The following NIPSNAP3B variants were observed in gnomAD, a reference collection of about 807,000 sequenced individuals.
The protein encoded by NIPSNAP3B is protein NipSnap homolog 3B.
NIPSNAP3B carries 30 observed loss-of-function variants against 31.5 expected under a neutral mutation model. The observed-to-expected ratio is 0.95, with a 90% CI of 0.71 to 1.29. The LOEUF is 1.29. Ranked by LOEUF, NIPSNAP3B falls within the 50% of genes most tolerant of loss-of-function variation. The pLI, the probability that NIPSNAP3B is intolerant of heterozygous loss-of-function variation, is 0.00. For missense variants in NIPSNAP3B, 269 were observed against 300.7 expected, an observed-to-expected ratio of 0.89 and a Z score of 0.78; for synonymous variants, 106 against 107.9, an observed-to-expected ratio of 0.98 and a Z score of 0.11.
At chr9:104,784,591 C>T in the NIPSNAP3B span, 5 of 1,065,232 alleles carry the variant, frequency 4.7e-6, no homozygotes, top group African/African-American at 6.4e-5. Flanking sequence ...AACTAGAAAA[C>T]TGTGTGTGAA....
In NIPSNAP3B at chr9:104,764,139, T is replaced by A; in HGVS notation, c.-102T>A. On this transcript the variant is annotated 5_prime_UTR_variant, in exon 1 of 6. Coordinates refer to ENST00000374762, the MANE Select transcript of NIPSNAP3B (RefSeq NM_018376.4). ...CCGCCGAGTCCCGCCCCTGCCTGAG[T>A]TCGCCAGTGGTCCAGGAGCCGCTTT... 1 of 1,121,634 alleles carries A rather than the reference T, an allele frequency of 8.9e-7. No individual in the cohort carries two copies. Among genetic ancestry groups the A allele is most frequent in the Non-Finnish European group, 1.3e-6 (1 of 776,500 alleles). The allele number at this position is 1,121,634 out of a possible 1,614,324, so 69.5% of individuals were successfully genotyped here. A position where few individuals can be genotyped will look rare whatever the true frequency, so the allele number is the denominator to read the frequency against.
At chr9:104,781,169 T>C (rs1828525530), downstream of NIPSNAP3B, 1 of 152,636 alleles carries the variant, frequency 6.6e-6, no homozygotes, top group Non-Finnish European at 1.5e-5. Context: ...GTGAAACTTT[T>C]GTCTAGTTTT....
In NIPSNAP3B at chr9:104,776,412, A is replaced by C. The variant is rs555387217; in HGVS notation, c.*3339A>C. On this transcript the variant is annotated 3_prime_UTR_variant, in exon 6 of 6. Coordinates refer to ENST00000374762, the MANE Select transcript of NIPSNAP3B (RefSeq NM_018376.4). ...ATGTTTTTGTCCCCCCAAAATTCCT[A>C]TGTTGAAGCCTTAATCTCAACATAG... 6.6e-6 allele frequency among the ~76,000 whole-genome samples: 1 copy of C among 151,854 alleles called. No individual in the cohort carries two copies. Among genetic ancestry groups the C allele is most frequent in the South Asian group, 2.1e-4 (1 of 4,820 alleles).
Position 104,766,368 on chromosome 9 carries a change from C to G in NIPSNAP3B, c.104C>G (p.Thr35Arg). The G allele has an allele frequency of 6.2e-7, 1 of 1,613,672 alleles. No homozygotes were observed. Among genetic ancestry groups the G allele is most frequent in the Non-Finnish European group, 8.5e-7 (1 of 1,179,670 alleles). ...FATGPRQYDG[T>R]FYEFRTYYLK... ...ACGGGCCCTAGACAATACGATGGAA[C>G]GTTCTATGAATTTCGTACTTATTAC... The change falls in exon 2 of 6, where the codon ACG becomes AGG. Residue 35 changes from threonine to arginine, a missense_variant. Coordinates refer to ENST00000374762, the MANE Select transcript of NIPSNAP3B (RefSeq NM_018376.4).
downstream of NIPSNAP3B, among the ~76,000 whole-genome samples, chr9:104,779,179 CTCCATTGTTA>C (rs926851198): frequency 1.7e-4 from 26 of 152,284 alleles, 1 homozygote; most frequent in South Asian, 1.7e-3. Context: ...TCTGACTTCT[CTCCATTGTTA>C]TCCAATTACC....
downstream of NIPSNAP3B, among the ~76,000 whole-genome samples, chr9:104,778,537 C>G (rs1449094005): frequency 6.6e-6 from 1 of 152,136 alleles, no homozygotes; most frequent in African/African-American, 2.4e-5. Flanking sequence ...AACTTGCACA[C>G]ATTTATCTTA....
the NIPSNAP3B span, chr9:104,785,298 A>G: frequency 6.7e-7 from 1 of 1,497,812 alleles, no homozygotes; most frequent in Non-Finnish European, 9.2e-7. Flanking sequence ...TTCAAGCACC[A>G]ATTCAAGATA....
chr9:104,788,364 CA>C, the NIPSNAP3B span: 7,041 of 1,611,846 alleles, frequency 4.4e-3, 158 homozygotes, highest in African/African-American at 0.059. Context: ...GTGGAAAAGC[CA>C]TAAGGTATAT....
chr9:104,771,163 T>C, intron 4 of NIPSNAP3B, 165 bp downstream of exon 4: 1 of 582,540 alleles, frequency 1.7e-6, no homozygotes, highest in African/African-American at 1.9e-5. Context: ...CTTATTTTTT[T>C]AGAATGTTAA....
the NIPSNAP3B span, among the ~76,000 whole-genome samples, chr9:104,789,810 G>A: frequency 1.3e-5 from 2 of 152,154 alleles, no homozygotes; most frequent in East Asian, 3.8e-4. Context: ...TAAGTCCAGA[G>A]AAGCCGGGCG....
intron 4 of NIPSNAP3B, among the ~76,000 whole-genome samples, chr9:104,772,407 AT>A (rs1211792867): frequency 6.6e-6 from 1 of 151,872 alleles, no homozygotes; most frequent in Admixed American, 6.6e-5. Flanking sequence ...TGGTTTACTA[AT>A]TTTTTTTAAA....
intron 3 of NIPSNAP3B, among the ~76,000 whole-genome samples, 159 bp downstream of exon 3, chr9:104,769,180 G>A (rs921258907): frequency 2.0e-5 from 3 of 152,054 alleles, no homozygotes; most frequent in East Asian, 3.9e-4. Context: ...GAGACTGGGC[G>A]CGGTGGCTCA....
the NIPSNAP3B span, among the ~76,000 whole-genome samples, chr9:104,789,178 C>G: frequency 6.6e-6 from 1 of 152,244 alleles, no homozygotes; most frequent in Non-Finnish European, 1.5e-5. Flanking sequence ...ATCTAATTAG[C>G]ACCCCCAGGG....
the NIPSNAP3B span, among the ~76,000 whole-genome samples, chr9:104,788,955 G>A: frequency 6.6e-6 from 1 of 152,218 alleles, no homozygotes. Flanking sequence ...CACCAAATGA[G>A]AAGGCCCAGA....
rs1828305642 is a variant in NIPSNAP3B at position 104,775,084 on chromosome 9, C to T, written c.*2011C>T. On this transcript the variant is annotated 3_prime_UTR_variant, in exon 6 of 6. Transcript: ENST00000374762. Reference sequence around the variant, plus strand: ...GACAAACCCTCCACTTGAACACTCACTTGCTGAAGGATGTGGCTTAGGCAG... The same window carrying T: ...GACAAACCCTCCACTTGAACACTCATTTGCTGAAGGATGTGGCTTAGGCAG... Among the ~76,000 whole-genome samples the T allele has an allele frequency of 6.6e-6, 1 of 152,058 alleles. No homozygotes were observed. Among genetic ancestry groups the T allele is most frequent in the Non-Finnish European group, 1.5e-5 (1 of 68,018 alleles).
the NIPSNAP3B span, chr9:104,788,015 A>T: frequency 6.2e-7 from 1 of 1,613,942 alleles, no homozygotes; most frequent in Non-Finnish European, 8.5e-7. Context: ...TTTTCTCCAT[A>T]CTTCACGAGG....
In NIPSNAP3B at chr9:104,768,973, A is replaced by G. The variant is rs1373361352; in HGVS notation, c.382A>G (p.Ile128Val). 3 of 1,613,890 alleles carry G rather than the reference A, an allele frequency of 1.9e-6. No homozygotes were observed. The African/African-American group carries it at 4.0e-5, about 22-fold the overall frequency. The change falls in exon 3 of 6, where the codon ATT becomes GTT. Residue 128 changes from isoleucine (I) to valine (V), a missense_variant. Physicochemically the swap from Ile to Val is conservative, Grantham distance 29. Coordinates refer to ENST00000374762, the MANE Select transcript of NIPSNAP3B (RefSeq NM_018376.4). ...TCGCATTGATAAACAAGAGACGGAA[A>G]TTACTTACCTGATACCATGGTCCAA... ...LARIDKQETE[I>V]TYLIPWSKLE...
the NIPSNAP3B span, chr9:104,787,955 T>C: frequency 1.9e-6 from 3 of 1,614,220 alleles, no homozygotes; most frequent in Non-Finnish European, 2.5e-6. Flanking sequence ...ATCAAAGCCA[T>C]GGCTGTAGAG....
intron 1 of NIPSNAP3B, among the ~76,000 whole-genome samples, chr9:104,765,088 A>G (rs77391147): frequency 0.011 from 1,641 of 152,332 alleles, 11 homozygotes; most frequent in Middle Eastern, 0.024. Context: ...TGGCCATCAA[A>G]AGAAAGGATA....
Sources: gnomAD v4.1 joint callset for allele counts (sites outside exome capture counted in the v4.1 genomes callset) on GRCh38, gnomAD v4.1.1 for gene constraint, MANE v1.5 for transcripts, NCBI Gene and HGNC (gene_info 2026-07-23, HGNC 2026-07-21) for gene names.